Variants in KAZN observed in about 807,000 individuals in gnomAD.
KAZN encodes the protein kazrin.
In KAZN, 40 loss-of-function variants were observed where a neutral mutation model predicts 87.4. The ratio of observed to expected loss-of-function variants is 0.46; its 90% CI spans 0.36 to 0.60. KAZN has a LOEUF of 0.60. KAZN is among the 20% of genes least tolerant of loss of function. The probability of loss-of-function intolerance (pLI) is 0.00; values close to 1 mark genes in which losing one functional copy is unlikely to be tolerated. For synonymous variants in KAZN, 466 were observed against 458.3 expected, an observed-to-expected ratio of 1.02 and a Z score of -0.22; for missense variants, 898 against 1,073.9, an observed-to-expected ratio of 0.84 and a Z score of 2.29.
At chr1:14,141,237 A>T (rs1236107752) in intron 1 of KAZN, among the ~76,000 whole-genome samples, 1 of 27,230 alleles carries the variant, frequency 3.7e-5, no homozygotes. Flanking sequence ...ATTACCATTT[A>T]AAAAAAAAAA....
intron 1 of KAZN, among the ~76,000 whole-genome samples, chr1:14,656,487 T>C (rs1398483083): frequency 6.6e-6 from 1 of 152,234 alleles, no homozygotes; most frequent in East Asian, 1.9e-4. Flanking sequence ...TCAATCCTCA[T>C]GTCTCACATT....
intron 1 of KAZN, among the ~76,000 whole-genome samples, chr1:14,022,504 A>G (rs1381340197): frequency 5.1e-5 from 5 of 98,284 alleles, no homozygotes; most frequent in African/African-American, 2.4e-4. Flanking sequence ...AAAAAAAAAA[A>G]AAAAAAAAAA....
At chr1:14,214,214 G>A (rs926791019) in intron 2 of KAZN, among the ~76,000 whole-genome samples, 8 of 132,824 alleles carry the variant, frequency 6.0e-5, no homozygotes, top group Admixed American at 8.1e-5. Flanking sequence ...CCAAGGACCC[G>A]GTCTTACCTC....
rs184262917 is a variant in KAZN, at chr1:14,816,440, C to T, written c.227-144244C>T. On this transcript the variant is annotated intron_variant, in intron 1 of 14. Transcript: ENST00000376030. Reference sequence around the variant, plus strand: ...TCCTTGTGGCTATCTGAGCAGGTCCCTGGCATTTTGTTGACTGTCACCCAG... The same window carrying T: ...TCCTTGTGGCTATCTGAGCAGGTCCTTGGCATTTTGTTGACTGTCACCCAG... 9.2e-5 allele frequency among the ~76,000 whole-genome samples: 14 copies of T among 152,276 alleles called. No homozygotes were observed. The East Asian group carries it at 2.7e-3, about 29-fold the overall frequency.
chr1:14,205,348 A>G (rs918869828), intron 2 of KAZN, among the ~76,000 whole-genome samples: 4 of 152,206 alleles, frequency 2.6e-5, no homozygotes, highest in African/African-American at 7.2e-5. Context: ...AGGAAGATTC[A>G]GGAGTTGGGT....
At chr1:14,634,650 G>C (rs980504115) in intron 1 of KAZN, among the ~76,000 whole-genome samples, 1 of 152,196 alleles carries the variant, frequency 6.6e-6, no homozygotes, top group African/African-American at 2.4e-5. Flanking sequence ...TGTTTATGTG[G>C]CTCCTGGACA....
intron 2 of KAZN, among the ~76,000 whole-genome samples, chr1:14,970,005 G>T (rs1430451710): frequency 6.6e-6 from 1 of 152,078 alleles, no homozygotes; most frequent in Non-Finnish European, 1.5e-5. Context: ...GTAGAGCTGG[G>T]GTTTCACCGT....
At chr1:14,907,490 G>GTTTAACA (rs1656734934) in intron 1 of KAZN, among the ~76,000 whole-genome samples, 1 of 151,994 alleles carries the variant, frequency 6.6e-6, no homozygotes, top group African/African-American at 2.4e-5. Flanking sequence ...AGATCTCCAG[G>GTTTAACA]AGATGATTGT....
intron 1 of KAZN, among the ~76,000 whole-genome samples, chr1:14,761,102 A>T (rs10927536): frequency 0.49 from 74,358 of 151,946 alleles, 18,839 homozygotes; most frequent in African/African-American, 0.59. Flanking sequence ...CACCAGTCTC[A>T]TTCTGACCCA....
At position 14,737,956 on chromosome 1, in the gene KAZN, G is replaced by T. The variant is rs78326071; in HGVS notation, c.226+138733G>T. On this transcript the variant is annotated intron_variant, in intron 1 of 14. Coordinates refer to ENST00000376030, the MANE Select transcript of KAZN (RefSeq NM_201628.3). The stretch of plus-strand genomic sequence containing the variant: ...AATAAAGAGCTCAAAGTCAACAGTG[G>T]TAATGTAAGAATAGAAGCGAAATCC... Among the ~76,000 whole-genome samples the T allele has an allele frequency of 5.4e-3, 827 of 152,262 alleles. 8 individuals are homozygous for T. The highest frequency in any genetic ancestry group is 0.019 in the African/African-American group (783 of 41,548).
chr1:14,343,984 C>A (rs1012058699), intron 2 of KAZN, among the ~76,000 whole-genome samples: 1 of 152,144 alleles, frequency 6.6e-6, no homozygotes, highest in Non-Finnish European at 1.5e-5. Flanking sequence ...GTCAACTTGG[C>A]AGTTCTTTCT....
chr1:14,420,003 C>G (rs934769779), intron 2 of KAZN, among the ~76,000 whole-genome samples: 2 of 152,164 alleles, frequency 1.3e-5, no homozygotes, highest in African/African-American at 4.8e-5. Flanking sequence ...TGCTTTTATT[C>G]CCTTATCTGG....
chr1:14,876,662 A>C (rs922169134), intron 1 of KAZN, among the ~76,000 whole-genome samples: 2 of 152,176 alleles, frequency 1.3e-5, no homozygotes, highest in Non-Finnish European at 2.9e-5. Flanking sequence ...CCATCTCTAA[A>C]ATAGGATAAT....
chr1:14,687,825 G>GT (rs771095209), intron 1 of KAZN, among the ~76,000 whole-genome samples: 3 of 152,150 alleles, frequency 2.0e-5, no homozygotes, highest in Non-Finnish European at 4.4e-5. Context: ...GGCAAATTCT[G>GT]TTCTGCAGTT....
chr1:14,544,320 GTT>G (rs772405367), intron 2 of KAZN, among the ~76,000 whole-genome samples: 9 of 108,908 alleles, frequency 8.3e-5, no homozygotes, highest in African/African-American at 9.9e-5. Context: ...GAGATTTGGG[GTT>G]TTTTTTTTTC....
chr1:15,089,399 G>A (rs1178991678), intron 8 of KAZN, among the ~76,000 whole-genome samples: 1 of 151,544 alleles, frequency 6.6e-6, no homozygotes, highest in Non-Finnish European at 1.5e-5. Context: ...GTGAATTTCT[G>A]CCCTGCCAGG....
At chr1:14,753,164 C>G (rs12082587) in intron 1 of KAZN, among the ~76,000 whole-genome samples, 3,876 of 152,184 alleles carry the variant, frequency 0.025, 182 homozygotes, top group African/African-American at 0.089. Flanking sequence ...AGGAAGCATG[C>G]CTTCATGCAA....
At chr1:14,025,784 C>T (rs1641043818) in intron 1 of KAZN, among the ~76,000 whole-genome samples, 1 of 152,010 alleles carries the variant, frequency 6.6e-6, no homozygotes, top group African/African-American at 2.4e-5. Flanking sequence ...TAATGGCTAC[C>T]ATATTGGCTC....
chr1:14,511,788 A>C (rs549438200), intron 2 of KAZN, among the ~76,000 whole-genome samples: 16 of 152,316 alleles, frequency 1.1e-4, no homozygotes, highest in African/African-American at 3.8e-4. Context: ...TAACACAGGA[A>C]ATGGAAACCA....
Sources: allele counts gnomAD v4.1 joint callset (sites outside exome capture counted in the v4.1 genomes callset), GRCh38; gene constraint gnomAD v4.1.1; transcripts MANE v1.5; gene names NCBI Gene and HGNC (gene_info 2026-07-23, HGNC 2026-07-21).